The following ANKRD6 variants were observed in gnomAD, a reference collection of about 807,000 sequenced individuals.
ANKRD6 encodes the protein ankyrin repeat domain 6.
ANKRD6 carries 56 observed loss-of-function variants against 82.3 expected under a neutral mutation model. That is an observed-to-expected ratio of 0.68 (90% confidence interval 0.55 to 0.85). The LOEUF is 0.85. ANKRD6 is among the 40% of genes least tolerant of loss of function. ANKRD6 has a pLI of 0.00. For synonymous variants in ANKRD6, 347 were observed against 352.1 expected (o/e 0.99, Z 0.16); for missense variants, 852 against 907.6 (o/e 0.94, Z 0.79).
Position 89,633,688 on chromosome 6 carries a change from C to T in ANKRD6, c.*2684C>T, listed in dbSNP as rs1429330700. ...GGGAGTGTTGTTTTCATGGTTATGC[C>T]TTGTTTGTGGAGTCAAGTGTTGATA... On this transcript the variant is annotated 3_prime_UTR_variant, in exon 16 of 16. Coordinates refer to ENST00000339746, the MANE Select transcript of ANKRD6 (RefSeq NM_001242809.2). 6.6e-6 allele frequency: 1 copy of T among 151,812 alleles called. No individual in the cohort carries two copies. The highest frequency in any genetic ancestry group is 1.9e-4 in the East Asian group (1 of 5,168). 9.4% of individuals were successfully genotyped at this position (151,812 alleles called of 1,614,324 possible). A position where few individuals can be genotyped will look rare whatever the true frequency, so the allele number is the denominator to read the frequency against.
intron 1 of ANKRD6, among the ~76,000 whole-genome samples, chr6:89,537,525 A>G (rs1783977029): frequency 6.6e-6 from 1 of 152,140 alleles, no homozygotes; most frequent in African/African-American, 2.4e-5. Context: ...GTTGGTTTGC[A>G]AAGGAACTTA....
At chr6:89,509,494 G>A (rs1780283184) in intron 1 of ANKRD6, among the ~76,000 whole-genome samples, 2 of 152,188 alleles carry the variant, frequency 1.3e-5, no homozygotes, top group South Asian at 4.1e-4. Context: ...TAAGTAAGAC[G>A]TGGAAGTCCT....
chr6:89,519,561 C>T (rs1445713247), intron 1 of ANKRD6, among the ~76,000 whole-genome samples: 1 of 152,186 alleles, frequency 6.6e-6, no homozygotes, highest in African/African-American at 2.4e-5. Context: ...AGATCTGAGT[C>T]TTAGAGTTGA....
intron 1 of ANKRD6, among the ~76,000 whole-genome samples, chr6:89,498,483 ACAT>A (rs1409885361): frequency 6.6e-6 from 1 of 152,086 alleles, no homozygotes; most frequent in Non-Finnish European, 1.5e-5. Flanking sequence ...CTTAATTCAA[ACAT>A]CAGTCTGTGC....
intron 2 of ANKRD6, among the ~76,000 whole-genome samples, chr6:89,593,168 A>G (rs1714296689): frequency 6.6e-6 from 1 of 152,196 alleles, no homozygotes; most frequent in South Asian, 2.1e-4. Context: ...AGCTGCCCAG[A>G]AGCACTTGTG....
At chr6:89,609,189 G>A (rs894470311) in intron 5 of ANKRD6, among the ~76,000 whole-genome samples, 1 of 152,232 alleles carries the variant, frequency 6.6e-6, no homozygotes, top group Non-Finnish European at 1.5e-5. Flanking sequence ...AGAGCAGCAA[G>A]CTACGTATGG....
intron 1 of ANKRD6, among the ~76,000 whole-genome samples, chr6:89,474,423 A>C (rs1775819497): frequency 6.6e-6 from 1 of 152,184 alleles, no homozygotes; most frequent in African/African-American, 2.4e-5. Flanking sequence ...ATCTGAGGAT[A>C]TCTAACATGA....
At chr6:89,603,997 G>C (rs1443699590) in intron 4 of ANKRD6, among the ~76,000 whole-genome samples, 1 of 152,164 alleles carries the variant, frequency 6.6e-6, no homozygotes, top group Non-Finnish European at 1.5e-5. Context: ...GTGAGACCTT[G>C]TCTCTTAACA....
intron 1 of ANKRD6, among the ~76,000 whole-genome samples, chr6:89,553,281 C>T (rs1340834774): frequency 2.0e-5 from 3 of 152,212 alleles, no homozygotes; most frequent in South Asian, 4.1e-4. Context: ...GAGGGTCACA[C>T]AGCCGACTGA....
At chr6:89,517,528 A>G (rs1384082145) in intron 1 of ANKRD6, among the ~76,000 whole-genome samples, 6 of 152,230 alleles carry the variant, frequency 3.9e-5, no homozygotes, top group African/African-American at 1.2e-4. Flanking sequence ...TATAATGTCG[A>G]AAGAAGTTGT....
intron 1 of ANKRD6, among the ~76,000 whole-genome samples, chr6:89,463,319 C>G (rs1337490259): frequency 1.3e-5 from 2 of 151,698 alleles, no homozygotes; most frequent in South Asian, 2.1e-4. Flanking sequence ...TATGGATATA[C>G]CATAATTTTA....
Position 89,606,116 on chromosome 6 carries a change from G to A in ANKRD6, c.417+11G>A. ...CTTGCCAAGAACAAGGTGAGGCCTG[G>A]CAGATGCTAGAATGCCTCATTCACA... On this transcript the variant is annotated intron_variant, in intron 5 of 15. Transcript: ENST00000339746. 1 of 1,543,766 alleles carries A rather than the reference G, an allele frequency of 6.5e-7. No individual in the cohort carries two copies. The highest frequency in any genetic ancestry group is 8.8e-7 in the Non-Finnish European group (1 of 1,140,080).
intron 2 of ANKRD6, among the ~76,000 whole-genome samples, chr6:89,571,156 A>G (rs1000573213): frequency 2.0e-5 from 3 of 152,032 alleles, no homozygotes; most frequent in African/African-American, 7.2e-5. Flanking sequence ...GGTTCACGCC[A>G]TTCTCCTGCC....
At chr6:89,603,269 A>G (rs1797664335) in intron 4 of ANKRD6, 142 bp downstream of exon 4, 1 of 640,492 alleles carries the variant, frequency 1.6e-6, no homozygotes, top group Non-Finnish European at 2.6e-6. Context: ...AACATGATTA[A>G]ATCAGCCTAA....
chr6:89,477,125 T>C (rs1318082688), intron 1 of ANKRD6, among the ~76,000 whole-genome samples: 1 of 152,104 alleles, frequency 6.6e-6, no homozygotes, highest in Non-Finnish European at 1.5e-5. Context: ...TTTGCATTTT[T>C]AGTAGAGACG....
chr6:89,443,996 A>C (rs1223191325), intron 1 of ANKRD6, among the ~76,000 whole-genome samples: 1 of 152,262 alleles, frequency 6.6e-6, no homozygotes, highest in South Asian at 2.1e-4. Flanking sequence ...TGAATGGTTT[A>C]TATCGGAGCT....
At chr6:89,465,842 GAC>G (rs1257427829) in intron 1 of ANKRD6, among the ~76,000 whole-genome samples, 1 of 152,064 alleles carries the variant, frequency 6.6e-6, no homozygotes, top group Non-Finnish European at 1.5e-5. Flanking sequence ...TAGCTTGGGT[GAC>G]AGAGTGAGAC....
rs766916052 is a variant in ANKRD6, at chr6:89,629,182, G to C, written c.1556G>C (p.Gly519Ala). The change falls in exon 15 of 16, where the codon GGA (glycine) becomes GCA (alanine). Residue 519 changes from glycine (G) to alanine (A), a missense_variant. Coordinates refer to ENST00000339746, the MANE Select transcript of ANKRD6 (RefSeq NM_001242809.2). The stretch of plus-strand genomic sequence containing the variant: ...CAGAATCTGGAGCAGAAGCTTTCTG[G>C]AGATTCTAGGGCCTGCAGAGCTAAA... ...KIQNLEQKLSGDSRACRAKST... is the reference protein window; with the variant it reads ...KIQNLEQKLSADSRACRAKST... 6 of 1,613,802 alleles carry C rather than the reference G, an allele frequency of 3.7e-6. No homozygotes were observed. The highest frequency in any genetic ancestry group is 5.1e-6 in the Non-Finnish European group (6 of 1,179,812).
chr6:89,497,576 TTG>T (rs1778776721), intron 1 of ANKRD6, among the ~76,000 whole-genome samples: 2 of 152,234 alleles, frequency 1.3e-5, no homozygotes, highest in Non-Finnish European at 1.5e-5. Flanking sequence ...GTTTTCTAAA[TTG>T]TGTCTTTTAA....
Sources: allele counts gnomAD v4.1 joint callset (sites outside exome capture counted in the v4.1 genomes callset), GRCh38; gene constraint gnomAD v4.1.1; transcripts MANE v1.5; gene names NCBI Gene and HGNC (gene_info 2026-07-23, HGNC 2026-07-21).